Variants in EPSTI1 observed in about 807,000 individuals in gnomAD.
The protein encoded by EPSTI1 is epithelial stromal interaction 1, also known as epithelial-stromal interaction protein 1.
EPSTI1 carries 66 observed loss-of-function variants against 49.9 expected under a neutral mutation model. That is an observed-to-expected ratio of 1.32 (90% CI 1.08 to 1.62). The LOEUF is 1.62. Among genes scored for constraint, EPSTI1 ranks in the 40% most tolerant of loss-of-function variants. EPSTI1 has a pLI of 0.00. For synonymous variants in EPSTI1, 137 were observed against 130.7 expected, an observed-to-expected ratio of 1.05 and a Z score of -0.33; for missense variants, 394 against 365.5, an observed-to-expected ratio of 1.08 and a Z score of -0.64.
chr13:42,926,816 C>G (rs553881264), intron 6 of EPSTI1, among the ~76,000 whole-genome samples: 2 of 152,206 alleles, frequency 1.3e-5, no homozygotes, highest in East Asian at 3.9e-4. Flanking sequence ...ACATTCACGC[C>G]CTACAACATC....
intron 8 of EPSTI1, among the ~76,000 whole-genome samples, chr13:42,912,010 C>A (rs1162863172): frequency 6.6e-6 from 1 of 152,086 alleles, no homozygotes; most frequent in Admixed American, 6.5e-5. Context: ...CTCTGTCACC[C>A]AATAGTTTAT....
At chr13:42,948,422 G>GT (rs1337614110) in intron 6 of EPSTI1, among the ~76,000 whole-genome samples, 15,060 of 113,556 alleles carry the variant, frequency 0.13, 1,104 homozygotes, top group East Asian at 0.37. Flanking sequence ...AGAGTGGCTT[G>GT]TTGTTTTTTT....
Position 42,888,472 on chromosome 13 carries a change from C to T in EPSTI1, c.*22G>A, listed in dbSNP as rs750154053. On this transcript the variant is annotated 3_prime_UTR_variant, in exon 11 of 11. Transcript: ENST00000313624. The stretch of plus-strand genomic sequence containing the variant: ...GCTTTTCGAGGTCAGTTGATGAAGG[C>T]CAGATAGGAGTCAATATTTTCTCAT... The T allele has an allele frequency of 4.3e-6, 7 of 1,613,746 alleles. No homozygotes were observed. The highest frequency in any genetic ancestry group is 2.2e-5 in the South Asian group (2 of 91,044).
chr13:42,971,618 G>GGGA (rs1555269053), intron 1 of EPSTI1, among the ~76,000 whole-genome samples: 1 of 151,524 alleles, frequency 6.6e-6, no homozygotes, highest in African/African-American at 2.4e-5. Flanking sequence ...AAGAGGGAGG[G>GGGA]AAAAAACCCC....
chr13:42,976,560 T>C, intron 1 of EPSTI1, among the ~76,000 whole-genome samples: 1 of 152,318 alleles, frequency 6.6e-6, no homozygotes, highest in South Asian at 2.1e-4. Context: ...AAATGTGCTA[T>C]ATATTTTCTC....
intron 3 of EPSTI1, 44 bp downstream of exon 3, chr13:42,969,050 T>G (rs370048679): frequency 2.5e-5 from 40 of 1,594,330 alleles, no homozygotes; most frequent in Admixed American, 8.4e-5. Flanking sequence ...GATCCATAGG[T>G]GGCCCCGCCC....
intron 6 of EPSTI1, among the ~76,000 whole-genome samples, chr13:42,932,309 T>C (rs1455418341): frequency 6.6e-6 from 1 of 152,224 alleles, no homozygotes; most frequent in Non-Finnish European, 1.5e-5. Flanking sequence ...GTTAACTTTA[T>C]GAAAGTGGCA....
intron 10 of EPSTI1, among the ~76,000 whole-genome samples, chr13:42,892,805 T>C (rs2037075872): frequency 6.6e-6 from 1 of 152,148 alleles, no homozygotes; most frequent in African/African-American, 2.4e-5. Flanking sequence ...TGGTCCAAGG[T>C]AGATCCCTGA....
rs186554224 is a variant in EPSTI1 at position 42,919,534 on chromosome 13, T to C, written c.658-1910A>G. Among the ~76,000 whole-genome samples the C allele has an allele frequency of 1.6e-3, 250 of 152,322 alleles. 4 individuals are homozygous for C. In the Middle Eastern group the frequency reaches 0.027, roughly 17 times the overall value. ...AAAAGCTATGCTTATAATGTACTCA[T>C]TCTATTAACAGTGTTTAAGGCTCCT... On this transcript the variant is annotated intron_variant, in intron 7 of 10. Coordinates refer to ENST00000313624, the MANE Select transcript of EPSTI1 (RefSeq NM_033255.5).
At chr13:42,956,962 C>T (rs192028178) in intron 5 of EPSTI1, among the ~76,000 whole-genome samples, 4 of 152,236 alleles carry the variant, frequency 2.6e-5, no homozygotes, top group Admixed American at 2.6e-4. Context: ...AAGGAAGTGG[C>T]TCACTCTTAT....
At chr13:42,943,282 G>A (rs998871520) in intron 6 of EPSTI1, among the ~76,000 whole-genome samples, 2 of 152,176 alleles carry the variant, frequency 1.3e-5, no homozygotes, top group Non-Finnish European at 2.9e-5. Flanking sequence ...TGAATCTTAT[G>A]CATCAAGAAG....
chr13:42,896,590 T>A (rs2037195560), intron 9 of EPSTI1, among the ~76,000 whole-genome samples: 1 of 152,208 alleles, frequency 6.6e-6, no homozygotes, highest in Non-Finnish European at 1.5e-5. Flanking sequence ...CAAATTACTA[T>A]ATCTTCACCT....
intron 6 of EPSTI1, among the ~76,000 whole-genome samples, chr13:42,931,706 T>C (rs1470782359): frequency 1.3e-5 from 2 of 152,200 alleles, no homozygotes; most frequent in African/African-American, 4.8e-5. Flanking sequence ...GTTCTGAAAA[T>C]AGATTTTTGT....
At chr13:42,988,028 C>T (rs2040116388) in intron 1 of EPSTI1, among the ~76,000 whole-genome samples, 1 of 151,994 alleles carries the variant, frequency 6.6e-6, no homozygotes, top group African/African-American at 2.4e-5. Context: ...AATAAAATTC[C>T]ATATTATAGG....
intron 5 of EPSTI1, among the ~76,000 whole-genome samples, chr13:42,958,157 C>A (rs2039331103): frequency 6.6e-6 from 1 of 152,068 alleles, no homozygotes; most frequent in South Asian, 2.1e-4. Context: ...ATTCAGCCCA[C>A]CAACAAATGA....
chr13:42,929,612 C>T lies in EPSTI1; in HGVS notation c.564-3183G>A, dbSNP rs376726421. ...TATATTCCTGGTAGTTTTTGGTTAA[C>T]GCACATTGACAAATATTACATACCA... is the stretch of plus-strand genomic sequence containing the variant. On this transcript the variant is annotated intron_variant, in intron 6 of 10. Transcript: ENST00000313624. Among the ~76,000 whole-genome samples, 47 of 152,206 alleles carry T rather than the reference C, an allele frequency of 3.1e-4. 1 individual carries two copies. The South Asian group carries it at 7.5e-3, about 24-fold the overall frequency.
chr13:42,929,760 G>T (rs2038302076), intron 6 of EPSTI1, among the ~76,000 whole-genome samples: 1 of 152,172 alleles, frequency 6.6e-6, no homozygotes, highest in Non-Finnish European at 1.5e-5. Flanking sequence ...TTAACAATAT[G>T]AGCTTAGTGG....
At chr13:42,905,416 CTAAT>C (rs2037472743) in intron 8 of EPSTI1, among the ~76,000 whole-genome samples, 1 of 152,148 alleles carries the variant, frequency 6.6e-6, no homozygotes. Flanking sequence ...ATAATTTCAG[CTAAT>C]TAATTTGTTC....
chr13:42,944,235 C>T (rs2038851466), intron 6 of EPSTI1, among the ~76,000 whole-genome samples: 1 of 152,162 alleles, frequency 6.6e-6, no homozygotes, highest in Non-Finnish European at 1.5e-5. Flanking sequence ...TTTATTGCAG[C>T]ATTGTTCACA....
Sources: allele counts gnomAD v4.1 joint callset (sites outside exome capture counted in the v4.1 genomes callset), GRCh38; gene constraint gnomAD v4.1.1; transcripts MANE v1.5; gene names NCBI Gene and HGNC (gene_info 2026-07-23, HGNC 2026-07-21).